Variants in DIAPH3 observed in about 807,000 individuals in gnomAD.
The protein encoded by DIAPH3 is protein diaphanous homolog 3.
DIAPH3 carries 117 observed loss-of-function variants against 144.3 expected under a neutral mutation model. The ratio of observed to expected loss-of-function variants is 0.81; its 90% CI spans 0.70 to 0.95. DIAPH3 has a LOEUF of 0.95. Ranked by LOEUF, DIAPH3 falls within the 40% of genes least tolerant of loss-of-function variation. The probability of loss-of-function intolerance (pLI) is 0.00; values close to 1 mark genes in which losing one functional copy is unlikely to be tolerated. For synonymous variants in DIAPH3, 519 were observed against 488.9 expected (o/e 1.06, Z -0.81); for missense variants, 1,421 against 1,412.7 (o/e 1.01, Z -0.09).
At chr13:60,081,301 CATGGACCATTAAGAGGTTTA>C (rs2057551673) in intron 4 of DIAPH3, among the ~76,000 whole-genome samples, 1 of 152,064 alleles carries the variant, frequency 6.6e-6, no homozygotes, top group East Asian at 1.9e-4. Flanking sequence ...ATTTGTAGGT[CATGGACCATTAAGAGGTTTA>C]ATGAAAGTTT....
At position 59,822,298 on chromosome 13, in the gene DIAPH3, T is replaced by C. The variant is rs1051841985; in HGVS notation, c.3027+10809A>G. On this transcript the variant is annotated intron_variant, in intron 24 of 27. Coordinates refer to ENST00000400324, the MANE Select transcript of DIAPH3 (RefSeq NM_001042517.2). ...AGCTAAATACAAGCACAAGTCGCTA[T>C]GCACAAGATGGCAGCCATAGTGTGC... Among the ~76,000 whole-genome samples the C allele has an allele frequency of 2.0e-5, 3 of 152,270 alleles. No individual in the cohort carries two copies. In the East Asian group the frequency reaches 5.8e-4, roughly 29 times the overall value.
At chr13:59,973,832 T>C (rs1299567619) in intron 15 of DIAPH3, among the ~76,000 whole-genome samples, 2 of 152,146 alleles carry the variant, frequency 1.3e-5, no homozygotes, top group Admixed American at 6.6e-5. Context: ...AAATGTTTTA[T>C]GTGTAGAGGG....
chr13:60,131,584 G>GGCAAATCTA (rs1373005752), intron 2 of DIAPH3, among the ~76,000 whole-genome samples: 1 of 151,812 alleles, frequency 6.6e-6, no homozygotes, highest in African/African-American at 2.4e-5. Flanking sequence ...GTCCAGAACA[G>GGCAAATCTA]GCAAATCTAT....
Position 60,135,265 on chromosome 13 carries a change from T to A in DIAPH3, c.181-2276A>T, listed in dbSNP as rs1030471625. On this transcript the variant is annotated intron_variant, in intron 1 of 27. Coordinates refer to ENST00000400324, the MANE Select transcript of DIAPH3 (RefSeq NM_001042517.2). ...CATGGTTTTCTTTTTTTTTTTTTTT[T>A]AATATATACATTCTGAAACTATCTC... 2.8e-4 allele frequency among the ~76,000 whole-genome samples: 41 copies of A among 144,894 alleles called. 1 individual carries two copies. The highest frequency in any genetic ancestry group is 3.6e-3 in the Middle Eastern group (1 of 276).
At chr13:59,790,938 G>A (rs1436929982) in intron 25 of DIAPH3, among the ~76,000 whole-genome samples, 1 of 152,050 alleles carries the variant, frequency 6.6e-6, no homozygotes, top group Non-Finnish European at 1.5e-5. Context: ...CTGATATTAG[G>A]TAACTTTGAG....
chr13:59,864,305 A>G (rs2043783667), intron 21 of DIAPH3, among the ~76,000 whole-genome samples: 1 of 152,130 alleles, frequency 6.6e-6, no homozygotes, highest in Admixed American at 6.6e-5. Context: ...AGTTAACATG[A>G]AAGTTGTATT....
intron 24 of DIAPH3, among the ~76,000 whole-genome samples, chr13:59,819,657 T>C (rs1023759740): frequency 6.6e-6 from 1 of 151,622 alleles, no homozygotes; most frequent in Non-Finnish European, 1.5e-5. Context: ...TGGACAGCCA[T>C]ATCAAATGAG....
chr13:59,716,442 T>C (rs1217986866), intron 27 of DIAPH3, among the ~76,000 whole-genome samples: 1 of 152,212 alleles, frequency 6.6e-6, no homozygotes, highest in Non-Finnish European at 1.5e-5. Flanking sequence ...CCCAAAGTGC[T>C]GGGATTACAG....
intron 27 of DIAPH3, among the ~76,000 whole-genome samples, chr13:59,730,187 C>T (rs2792375): frequency 0.016 from 2,369 of 152,302 alleles, 26 homozygotes; most frequent in Non-Finnish European, 0.024. Flanking sequence ...TTAGACATCA[C>T]GTGGCTGAAC....
chr13:59,791,642 T>G (rs2039330186), intron 25 of DIAPH3, among the ~76,000 whole-genome samples: 1 of 152,178 alleles, frequency 6.6e-6, no homozygotes, highest in African/African-American at 2.4e-5. Flanking sequence ...TCCTTAGGTT[T>G]GCTGACTTAT....
intron 27 of DIAPH3, among the ~76,000 whole-genome samples, chr13:59,713,417 C>T (rs1224464330): frequency 1.3e-5 from 2 of 152,124 alleles, no homozygotes; most frequent in African/African-American, 4.8e-5. Flanking sequence ...TGTCTGTAAA[C>T]ATCTTACAAT....
chr13:59,753,646 A>G (rs565951319), intron 27 of DIAPH3, among the ~76,000 whole-genome samples: 2 of 152,350 alleles, frequency 1.3e-5, no homozygotes, highest in East Asian at 3.9e-4. Flanking sequence ...AAACAGGTAT[A>G]TACAAAGAAA....
intron 27 of DIAPH3, among the ~76,000 whole-genome samples, chr13:59,710,180 G>A (rs2034654673): frequency 6.6e-6 from 1 of 150,880 alleles, no homozygotes; most frequent in Non-Finnish European, 1.5e-5. Flanking sequence ...CACCAGCATG[G>A]CACATGTATA....
intron 4 of DIAPH3, among the ~76,000 whole-genome samples, chr13:60,047,145 A>C (rs140193164): frequency 1.5e-3 from 233 of 152,270 alleles, no homozygotes; most frequent in African/African-American, 5.0e-3. Flanking sequence ...GAAAAAGGAA[A>C]TACCTATAGA....
At chr13:59,848,034 G>A (rs369887687) in intron 22 of DIAPH3, among the ~76,000 whole-genome samples, 4 of 152,158 alleles carry the variant, frequency 2.6e-5, no homozygotes, top group South Asian at 2.1e-4. Flanking sequence ...ACCATAGAGC[G>A]CATCTTGCTG....
At chr13:59,945,018 G>A (rs1406390623) in intron 17 of DIAPH3, among the ~76,000 whole-genome samples, 1 of 152,030 alleles carries the variant, frequency 6.6e-6, no homozygotes, top group East Asian at 1.9e-4. Context: ...TTGTACCAAT[G>A]CTTCCTTTGC....
chr13:60,156,939 A>ATT (rs757042309), intron 1 of DIAPH3, among the ~76,000 whole-genome samples: 35 of 82,018 alleles, frequency 4.3e-4, no homozygotes, highest in East Asian at 1.2e-3. Context: ...ATATATATAT[A>ATT]TTTTTTTTTT....
chr13:60,037,810 T>C (rs1053397785), intron 5 of DIAPH3, among the ~76,000 whole-genome samples: 1 of 151,982 alleles, frequency 6.6e-6, no homozygotes, highest in African/African-American at 2.4e-5. Context: ...AGACAAAGAT[T>C]ATCAGACGGG....
intron 27 of DIAPH3, among the ~76,000 whole-genome samples, chr13:59,691,465 C>T (rs549929969): frequency 7.8e-4 from 118 of 152,228 alleles, no homozygotes; most frequent in African/African-American, 2.7e-3. Flanking sequence ...TAAAATAAAA[C>T]CTGGCACATT....
Sources: allele counts gnomAD v4.1 joint callset (sites outside exome capture counted in the v4.1 genomes callset), GRCh38; gene constraint gnomAD v4.1.1; transcripts MANE v1.5; gene names NCBI Gene and HGNC (gene_info 2026-07-23, HGNC 2026-07-21).